PLEKHM2: variants seen among roughly 807,000 people sequenced by gnomAD.
PLEKHM2 encodes pleckstrin homology domain-containing family M member 2.
In PLEKHM2, 77 loss-of-function variants were observed where a neutral mutation model predicts 116.3. The ratio of observed to expected loss-of-function variants is 0.66; its 90% CI spans 0.55 to 0.80. The LOEUF is 0.80. PLEKHM2 is among the 30% of genes least tolerant of loss of function. PLEKHM2 has a pLI of 0.00. For synonymous variants in PLEKHM2, 562 were observed against 571.0 expected (o/e 0.98, Z 0.22); for missense variants, 1,183 against 1,354.9 (o/e 0.87, Z 1.99).
rs115298010 is a variant in PLEKHM2, at chr1:15,718,702, A to C, written c.465+77A>C. 1.3e-3 allele frequency: 979 copies of C among 782,640 alleles called. 15 individuals carry two copies. In the African/African-American group the frequency reaches 0.015, roughly 12 times the overall value. The allele number at this position is 782,640 out of a possible 1,614,324, so 48.5% of individuals were successfully genotyped here. On this transcript the variant is annotated intron_variant, in intron 5 of 19. Coordinates refer to ENST00000375799, the MANE Select transcript of PLEKHM2 (RefSeq NM_015164.4). ...TGGGGGCAGGGTGGGCGGTGGCTTCATTTCTCAGGTCTTGTTGAGGGAGCT... is the reference window on the plus strand; with the variant it reads ...TGGGGGCAGGGTGGGCGGTGGCTTCCTTTCTCAGGTCTTGTTGAGGGAGCT...
Position 15,734,741 on chromosome 1 carries a change from A to T in PLEKHM2, c.*807A>T, listed in dbSNP as rs910028149. 1 of 152,134 alleles carries T rather than the reference A, an allele frequency of 6.6e-6. No individual in the cohort carries two copies. Among genetic ancestry groups the T allele is most frequent in the Non-Finnish European group, 1.5e-5 (1 of 68,026 alleles). The allele number at this position is 152,134 out of a possible 1,614,324, so 9.4% of individuals were successfully genotyped here. ...TCAGGTGGTTTGGGTTTTGTTTTTT[A>T]AAATAAAATAGACATGTTATATTGC... On this transcript the variant is annotated 3_prime_UTR_variant, in exon 20 of 20. Coordinates refer to ENST00000375799, the MANE Select transcript of PLEKHM2 (RefSeq NM_015164.4).
Position 15,727,398 on chromosome 1 carries a change from C to G in PLEKHM2, c.1326C>G (p.Pro442=), listed in dbSNP as rs1405403941. The change falls in exon 9 of 20, where the codon CCC becomes CCG. Residue 442 remains proline (P), a synonymous_variant. Coordinates refer to ENST00000375799, the MANE Select transcript of PLEKHM2 (RefSeq NM_015164.4). The surrounding 1 kb of genome is among the most constrained non-coding windows in gnomAD (Gnocchi z 7.5). ...PPDQSFRTGS[P]GDAPERPPLC... is the part of the protein sequence containing the mutation. ...ACCAGTCCTTTCGGACCGGCTCTCC[C>G]GGGGATGCCCCGGAGAGGCCGCCGC... The G allele has an allele frequency of 6.2e-7, 1 of 1,603,878 alleles. No homozygotes were observed. Among genetic ancestry groups the G allele is most frequent in the South Asian group, 1.1e-5 (1 of 89,678 alleles).
chr1:15,728,411 C>T lies in PLEKHM2; in HGVS notation c.1921+54C>T. The T allele has an allele frequency of 6.7e-7, 1 of 1,499,066 alleles. No individual in the cohort carries two copies. The highest frequency in any genetic ancestry group is 9.2e-7 in the Non-Finnish European group (1 of 1,088,852). The allele number at this position is 1,499,066 out of a possible 1,614,324, so 92.9% of individuals were successfully genotyped here. On this transcript the variant is annotated intron_variant, in intron 11 of 19. Coordinates refer to ENST00000375799, the MANE Select transcript of PLEKHM2 (RefSeq NM_015164.4). This position sits in a 1 kb window ranked among gnomAD's most constrained non-coding sequence, Gnocchi z 5.9. ...GTTGTAGACGAGGCTGACTCTCAGCCCCTTTTCCCCAGTCCCCTTGCCCTC... is the reference window on the plus strand; with the variant it reads ...GTTGTAGACGAGGCTGACTCTCAGCTCCTTTTCCCCAGTCCCCTTGCCCTC...
At chr1:15,723,569 G>A (rs1288402879) in intron 7 of PLEKHM2, among the ~76,000 whole-genome samples, 7 of 151,670 alleles carry the variant, frequency 4.6e-5, no homozygotes, top group Non-Finnish European at 1.0e-4. Context: ...GGGGGACCCC[G>A]TCTCTACTAA....
At chr1:15,681,685 C>T (rs200098238), upstream of PLEKHM2, 9 of 436,728 alleles carry the variant, frequency 2.1e-5, no homozygotes, top group East Asian at 6.4e-4. Flanking sequence ...AATTCTGACT[C>T]CACAAACACC....
At chr1:15,682,640 AAACAAAAAAAAC>A, upstream of PLEKHM2, among the ~76,000 whole-genome samples, 1 of 93,182 alleles carries the variant, frequency 1.1e-5, no homozygotes, top group African/African-American at 6.0e-5. Flanking sequence ...AAACAAAACA[AAACAAAAAAAAC>A]AAAAAACAAA....
chr1:15,703,956 G>A (rs749110685), intron 1 of PLEKHM2, among the ~76,000 whole-genome samples: 12 of 152,214 alleles, frequency 7.9e-5, no homozygotes, highest in African/African-American at 1.9e-4. Flanking sequence ...GGTCTAGAGC[G>A]TGGTCTGGGA....
Position 15,728,545 on chromosome 1 carries a change from G to A in PLEKHM2, c.1922-124G>A, listed in dbSNP as rs1234227370. 1.5e-5 allele frequency: 15 copies of A among 1,016,470 alleles called. No homozygotes were observed. The highest frequency in any genetic ancestry group is 6.4e-5 in the Admixed American group (3 of 47,036). The allele number at this position is 1,016,470 out of a possible 1,614,324, so 63.0% of individuals were successfully genotyped here. On this transcript the variant is annotated intron_variant, in intron 11 of 19. Coordinates refer to ENST00000375799, the MANE Select transcript of PLEKHM2 (RefSeq NM_015164.4). This position sits in a 1 kb window ranked among gnomAD's most constrained non-coding sequence, Gnocchi z 5.9. ...GGGGCTCCCTCTGTGAGCACTCCAC[G>A]CCATTCTCCTACTGCAGGGCAAGGA...
At chr1:15,692,809 G>A (rs145730424) in intron 1 of PLEKHM2, among the ~76,000 whole-genome samples, 3 of 152,112 alleles carry the variant, frequency 2.0e-5, no homozygotes, top group African/African-American at 7.2e-5. Flanking sequence ...GCACGATCTC[G>A]GCTCACTGCA....
rs1464514798 is a variant in PLEKHM2, at chr1:15,727,406, C to T, written c.1334C>T (p.Ala445Val). 1 of 1,604,394 alleles carries T rather than the reference C, an allele frequency of 6.2e-7. No homozygotes were observed. The highest frequency in any genetic ancestry group is 1.1e-5 in the South Asian group (1 of 89,776). The change falls in exon 9 of 20, where the codon GCC becomes GTC. Residue 445 changes from alanine to valine, a missense_variant. By Grantham distance (64) the Ala-to-Val change is moderately conservative. Around this residue, in one of 3 missense-constraint regions of PLEKHM2, gnomAD observed 372 missense variants for 357.2 expected, o/e 1.04. Coordinates refer to ENST00000375799, the MANE Select transcript of PLEKHM2 (RefSeq NM_015164.4). This position sits in a 1 kb window ranked among gnomAD's most constrained non-coding sequence, Gnocchi z 7.5. ...QSFRTGSPGD[A>V]PERPPLCDFS... The stretch of plus-strand genomic sequence containing the variant: ...TTTCGGACCGGCTCTCCCGGGGATG[C>T]CCCGGAGAGGCCGCCGCTTTGCGAC...
chr1:15,732,413 C>G lies in PLEKHM2; in HGVS notation c.2689C>G (p.Arg897Gly). The change falls in exon 18 of 20, where the codon CGC becomes GGC. Residue 897 changes from arginine (R) to glycine (G), a missense_variant. Transcript: ENST00000375799. ...IPCCLVLTDD[R>G]LFTCHEDCQT... ...CTGCTGCCTGGTCCTCACGGATGAC[C>G]GCCTCTTTACGTGCCATGAGGATTG... 1.9e-6 allele frequency: 3 copies of G among 1,574,286 alleles called. No individual in the cohort carries two copies. The highest frequency in any genetic ancestry group is 2.6e-6 in the Non-Finnish European group (3 of 1,160,058).
In PLEKHM2 at chr1:15,729,073, A is replaced by G; in HGVS notation, c.1987-29A>G. Reference sequence around the variant, plus strand: ...TCCGCCAGGCAGCAGCTAAGCCCCAAGTGCATGTCACGGTGTGGTTTCTGG... The same window carrying G: ...TCCGCCAGGCAGCAGCTAAGCCCCAGGTGCATGTCACGGTGTGGTTTCTGG... On this transcript the variant is annotated intron_variant, in intron 12 of 19. Coordinates refer to ENST00000375799, the MANE Select transcript of PLEKHM2 (RefSeq NM_015164.4). The surrounding 1 kb of genome is among the most constrained non-coding windows in gnomAD (Gnocchi z 4.7). 1 of 1,587,630 alleles carries G rather than the reference A, an allele frequency of 6.3e-7. No homozygotes were observed. Among genetic ancestry groups the G allele is most frequent in the African/African-American group, 1.3e-5 (1 of 74,518 alleles).
In PLEKHM2 at chr1:15,684,456, C is replaced by A; in HGVS notation, c.-103C>A. The stretch of plus-strand genomic sequence containing the variant: ...CCGGCACGACGGAGCCCCCGTACGG[C>A]CGGCGGCAGCGGTTGGCGGCGGCCC... On this transcript the variant is annotated 5_prime_UTR_variant, in exon 1 of 20. Transcript: ENST00000375799. 1 of 614,620 alleles carries A rather than the reference C, an allele frequency of 1.6e-6. No homozygotes were observed. Among genetic ancestry groups the A allele is most frequent in the Non-Finnish European group, 2.0e-6 (1 of 493,048 alleles). 38.1% of individuals were successfully genotyped at this position (614,620 alleles called of 1,614,324 possible).
In PLEKHM2 at chr1:15,728,339, G is replaced by A. The variant is rs2068094473; in HGVS notation, c.1903G>A (p.Val635Ile). 2 of 1,612,872 alleles carry A rather than the reference G, an allele frequency of 1.2e-6. No individual in the cohort carries two copies. Among genetic ancestry groups the A allele is most frequent in the Non-Finnish European group, 1.7e-6 (2 of 1,179,800 alleles). The change falls in exon 11 of 20, where the codon GTC (valine) becomes ATC (isoleucine). Residue 635 changes from valine (V) to isoleucine (I), a missense_variant. Physicochemically the swap from Val to Ile is conservative, Grantham distance 29. This residue lies in a region of PLEKHM2 where 594 missense variants were observed against 720.1 expected (regional missense o/e 0.82). Coordinates refer to ENST00000375799, the MANE Select transcript of PLEKHM2 (RefSeq NM_015164.4). The surrounding 1 kb of genome is among the most constrained non-coding windows in gnomAD (Gnocchi z 5.9). Reference sequence around the variant, plus strand: ...GTACGTGCTGCTCACAGACTGCTATGTCTACCTGCTCCGGAAAGGTGCCCG... The same window carrying A: ...GTACGTGCTGCTCACAGACTGCTATATCTACCTGCTCCGGAAAGGTGCCCG... ...LLYVLLTDCY[V>I]YLLRKGATEK...
At position 15,730,623 on chromosome 1, in the gene PLEKHM2, C is replaced by T. The variant is rs780631102; in HGVS notation, c.2300C>T (p.Pro767Leu). The change falls in exon 15 of 20, where the codon CCC (proline) becomes CTC (leucine). Residue 767 changes from proline (P) to leucine (L), a missense_variant. Pro to Leu is a moderately conservative substitution (Grantham distance 98). This residue lies in a region of PLEKHM2 where 594 missense variants were observed against 720.1 expected (regional missense o/e 0.82). Coordinates refer to ENST00000375799, the MANE Select transcript of PLEKHM2 (RefSeq NM_015164.4). The stretch of plus-strand genomic sequence containing the variant: ...GGCCCCACGCCCTGCCACTGCTCAC[C>T]CCCCGAGGGCACCATCACCAAAGAA... ...SLGPTPCHCS[P>L]PEGTITKEGM... 4 of 1,608,204 alleles carry T rather than the reference C, an allele frequency of 2.5e-6. No homozygotes were observed. Among genetic ancestry groups the T allele is most frequent in the Non-Finnish European group, 3.4e-6 (4 of 1,177,756 alleles).
Position 15,701,829 on chromosome 1 carries a change from A to G in PLEKHM2, c.61-14408A>G, listed in dbSNP as rs112514278. Reference sequence around the variant, plus strand: ...AAAAAGACCCCAGCCTGCCTGCCTCACTTGTTTGTTTATTTTCTGCTCCCT... The same window carrying G: ...AAAAAGACCCCAGCCTGCCTGCCTCGCTTGTTTGTTTATTTTCTGCTCCCT... On this transcript the variant is annotated intron_variant, in intron 1 of 19. Transcript: ENST00000375799. Among the ~76,000 whole-genome samples, 585 of 152,106 alleles carry G rather than the reference A, an allele frequency of 3.8e-3. 10 individuals carry two copies. Among genetic ancestry groups the G allele is most frequent in the African/African-American group, 0.013 (553 of 41,534 alleles).
chr1:15,693,912 A>AGTCTCCAGTGCCCATCTCAGGC (rs1553157863), intron 1 of PLEKHM2, among the ~76,000 whole-genome samples: 6 of 152,118 alleles, frequency 3.9e-5, no homozygotes, highest in Non-Finnish European at 7.4e-5. Context: ...CTACCTCAGG[A>AGTCTCCAGTGCCCATCTCAGGC]GTCTCCAGTG....
chr1:15,728,956 G>A lies in PLEKHM2; in HGVS notation c.1987-146G>A, dbSNP rs1352198016. ...TTCTGACCGTCCCTCCCTCACTCAT[G>A]CCAGCCCCTGGCCTCTGGGGCTTTA... On this transcript the variant is annotated intron_variant, in intron 12 of 19. Transcript: ENST00000375799. The surrounding 1 kb of genome is among the most constrained non-coding windows in gnomAD (Gnocchi z 5.9). 12 of 815,002 alleles carry A rather than the reference G, an allele frequency of 1.5e-5. No homozygotes were observed. The highest frequency in any genetic ancestry group is 2.4e-5 in the Non-Finnish European group (12 of 499,362). The allele number at this position is 815,002 out of a possible 1,614,324, so 50.5% of individuals were successfully genotyped here.
intron 1 of PLEKHM2, among the ~76,000 whole-genome samples, chr1:15,711,382 G>A (rs1394857413): frequency 2.6e-5 from 4 of 151,864 alleles, no homozygotes; most frequent in African/African-American, 7.3e-5. Context: ...TTGGGAGGCT[G>A]AGGTGGGCAG....
Sources: allele counts gnomAD v4.1 joint callset (sites outside exome capture counted in the v4.1 genomes callset), GRCh38; gene constraint gnomAD v4.1.1; regional missense constraint gnomAD v4.1.1; non-coding constraint Gnocchi (gnomAD v3.1); transcripts MANE v1.5; gene names NCBI Gene and HGNC (gene_info 2026-07-23, HGNC 2026-07-21).